Variants in HPGD observed in about 807,000 individuals in gnomAD.
HPGD encodes the protein 15-hydroxyprostaglandin dehydrogenase.
HPGD carries 29 observed loss-of-function variants against 30.0 expected under a neutral mutation model. That is an observed-to-expected ratio of 0.97 (90% CI 0.72 to 1.32). The LOEUF is 1.32. HPGD is among the 40% of genes most tolerant of loss of function. The probability of loss-of-function intolerance (pLI) is 0.00; values close to 1 mark genes in which losing one functional copy is unlikely to be tolerated. For missense variants in HPGD, 340 were observed against 322.1 expected (o/e 1.06, Z -0.43); for synonymous variants, 99 against 112.4 (o/e 0.88, Z 0.75).
rs183162558 is a variant in HPGD at position 174,498,383 on chromosome 4, G to A, written c.422-2759C>T. On this transcript the variant is annotated intron_variant, in intron 4 of 6. Transcript: ENST00000296522. ...TACAATAAAACTGCACGTATTGAAA[G>A]TATACAGTTTGATAAGTTTTGACAT... Among the ~76,000 whole-genome samples, 515 of 152,030 alleles carry A rather than the reference G, an allele frequency of 3.4e-3. 4 individuals carry two copies. Among genetic ancestry groups the A allele is most frequent in the Non-Finnish European group, 2.7e-3 (186 of 68,010 alleles).
intron 4 of HPGD, among the ~76,000 whole-genome samples, chr4:174,498,595 A>C (rs756604512): frequency 6.6e-6 from 1 of 152,162 alleles, no homozygotes; most frequent in Non-Finnish European, 1.5e-5. Context: ...ATATAGTATA[A>C]ATTATATTGT....
chr4:174,498,035 AC>A (rs1734726710), intron 4 of HPGD, among the ~76,000 whole-genome samples: 1 of 151,398 alleles, frequency 6.6e-6, no homozygotes, highest in Admixed American at 6.6e-5. Context: ...TGAAGCCTTG[AC>A]CTACTTGGCT....
At chr4:174,509,886 T>A (rs1735388770) in intron 3 of HPGD, among the ~76,000 whole-genome samples, 1 of 151,232 alleles carries the variant, frequency 6.6e-6, no homozygotes, top group African/African-American at 2.4e-5. Context: ...TAGGCACTTT[T>A]CCTGTTTTTG....
chr4:174,517,096 G>C (rs1183293015), intron 3 of HPGD, among the ~76,000 whole-genome samples: 1 of 152,114 alleles, frequency 6.6e-6, no homozygotes, highest in Non-Finnish European at 1.5e-5. Flanking sequence ...GGAGACCCCA[G>C]GCACAGCCTA....
Position 174,521,893 on chromosome 4 carries a change from TTGC to T in HPGD, c.217+48_217+50del, listed in dbSNP as rs774266100. The T allele has an allele frequency of 4.3e-6, 7 of 1,612,126 alleles. No homozygotes were observed. In the South Asian group the frequency reaches 7.7e-5, roughly 18 times the overall value. On this transcript the variant is annotated intron_variant, in intron 2 of 6. Transcript: ENST00000296522. ...CCCTGGCCGGGCTGCCTTCAGGTTG[TTGC>T]TTGTTGAGAGCACGTTCCCAGTTGA...
upstream of HPGD, chr4:174,522,840 C>A: frequency 5.7e-6 from 1 of 175,266 alleles, no homozygotes; most frequent in Non-Finnish European, 1.2e-5. Context: ...AGCTTGGATC[C>A]CTCCTCCTGC....
At position 174,522,013 on chromosome 4, in the gene HPGD, C is replaced by G. The variant is rs1050143; in HGVS notation, c.148G>C (p.Asp50His). ...GTCTTCTGAGGTTCAAACTGCTCAT[C>G]CAGGGCAGCTTTACACTGTACACCT... ...EAGVQCKAAL[D>H]EQFEPQKTLF... Residue 50 changes from aspartate (D) to histidine (H), a missense_variant, in exon 2 of 7, where the codon GAT (aspartate) becomes CAT (histidine). Coordinates refer to ENST00000296522, the MANE Select transcript of HPGD (RefSeq NM_000860.6). 6.2e-7 allele frequency: 1 copy of G among 1,614,120 alleles called. No individual in the cohort carries two copies. The highest frequency in any genetic ancestry group is 8.5e-7 in the Non-Finnish European group (1 of 1,179,968).
chr4:174,514,976 T>C (rs1376680830), intron 3 of HPGD, among the ~76,000 whole-genome samples: 1 of 152,128 alleles, frequency 6.6e-6, no homozygotes, highest in Admixed American at 6.6e-5. Flanking sequence ...GAAAGATCTC[T>C]ACAATGAGAA....
chr4:174,508,182 A>G lies in HPGD; in HGVS notation c.421+514T>C, dbSNP rs45564034. The G allele has an allele frequency of 3.8e-3, 2,692 of 699,340 alleles. 62 individuals are homozygous for G. In the African/African-American group the frequency reaches 0.042, roughly 11 times the overall value. The allele number at this position is 699,340 out of a possible 1,614,324, so 43.3% of individuals were successfully genotyped here. A position where few individuals can be genotyped will look rare whatever the true frequency, so the allele number is the denominator to read the frequency against. ...TCAAATGTCTGCATACAGAAGAGAT[A>G]CCTGCAACAAGGATCTTGCCTCAGA... On this transcript the variant is annotated intron_variant, in intron 4 of 6. Transcript: ENST00000296522.
In HPGD at chr4:174,496,376, C is replaced by CCGT. The variant is rs1734597111; in HGVS notation, c.422-753_422-752insACG. 7.1e-6 allele frequency among the ~76,000 whole-genome samples: 1 copy of CCGT among 141,280 alleles called. No homozygotes were observed. Among genetic ancestry groups the CCGT allele is most frequent in the African/African-American group, 2.6e-5 (1 of 38,868 alleles). 92.7% of individuals were successfully genotyped at this position (141,280 alleles called of 152,430 possible). ...AAATTCATGGTCTGGAGAGAAAAAA[C>CCGT]AGTATAGCATATACCTATAGCATCT... On this transcript the variant is annotated intron_variant, in intron 4 of 6. Transcript: ENST00000296522. The surrounding 1 kb of genome is among the most constrained non-coding windows in gnomAD (Gnocchi z 4.6).
intron 4 of HPGD, among the ~76,000 whole-genome samples, chr4:174,498,913 T>C (rs914036553): frequency 2.0e-5 from 3 of 152,214 alleles, no homozygotes; most frequent in African/African-American, 7.2e-5. Context: ...GTTGTTTTAT[T>C]ATTTTTGACA....
At chr4:174,511,911 G>T (rs1348319462) in intron 3 of HPGD, among the ~76,000 whole-genome samples, 1 of 152,178 alleles carries the variant, frequency 6.6e-6, no homozygotes, top group African/African-American at 2.4e-5. Context: ...CTCCCAAAGT[G>T]CTGGGATTAC....
intron 3 of HPGD, among the ~76,000 whole-genome samples, chr4:174,517,299 C>T (rs767295833): frequency 3.3e-5 from 5 of 152,134 alleles, no homozygotes; most frequent in Admixed American, 6.5e-5. Context: ...CACACACGAA[C>T]CACGAACTTT....
intron 2 of HPGD, among the ~76,000 whole-genome samples, chr4:174,519,598 C>T (rs546572044): frequency 2.6e-5 from 4 of 152,200 alleles, no homozygotes; most frequent in East Asian, 3.9e-4. Context: ...TGAAAATGGC[C>T]GGTCCTTGCC....
intron 4 of HPGD, among the ~76,000 whole-genome samples, chr4:174,500,310 C>G (rs941388272): frequency 6.6e-6 from 1 of 152,120 alleles, no homozygotes; most frequent in East Asian, 1.9e-4. Context: ...ATTGCTGGTG[C>G]GAATGCAAAA....
chr4:174,490,626 T>G lies in HPGD; in HGVS notation c.*1330A>C, dbSNP rs1734295312. The stretch of plus-strand genomic sequence containing the variant: ...CATTATATGAAAATCTAGACCAGAG[T>G]TATTAATATTCAAATTACTCCTTAA... On this transcript the variant is annotated 3_prime_UTR_variant, in exon 7 of 7. Coordinates refer to ENST00000296522, the MANE Select transcript of HPGD (RefSeq NM_000860.6). This position sits in a 1 kb window ranked among gnomAD's most constrained non-coding sequence, Gnocchi z 4.4. 6.6e-6 allele frequency: 1 copy of G among 152,252 alleles called. No homozygotes were observed. Among genetic ancestry groups the G allele is most frequent in the South Asian group, 2.1e-4 (1 of 4,824 alleles). 9.4% of individuals were successfully genotyped at this position (152,252 alleles called of 1,614,324 possible). A position where few individuals can be genotyped will look rare whatever the true frequency, so the allele number is the denominator to read the frequency against.
At chr4:174,511,470 C>T (rs1033372375) in intron 3 of HPGD, among the ~76,000 whole-genome samples, 5 of 152,092 alleles carry the variant, frequency 3.3e-5, no homozygotes, top group South Asian at 4.1e-4. Flanking sequence ...ACTGTAAGTT[C>T]CACATCAGTG....
chr4:174,497,998 G>A (rs939592512), intron 4 of HPGD, among the ~76,000 whole-genome samples: 3 of 151,524 alleles, frequency 2.0e-5, no homozygotes, highest in Non-Finnish European at 2.9e-5. Flanking sequence ...GCCCAGGCTG[G>A]AGTGCAGTGG....
intron 3 of HPGD, 139 bp downstream of exon 3, chr4:174,517,832 T>C (rs1292095644): frequency 3.4e-6 from 2 of 587,656 alleles, no homozygotes; most frequent in Non-Finnish European, 3.0e-6. Flanking sequence ...GAAAATGCTT[T>C]TATCCAGCTT....
Sources: allele counts gnomAD v4.1 joint callset (sites outside exome capture counted in the v4.1 genomes callset), GRCh38; gene constraint gnomAD v4.1.1; non-coding constraint Gnocchi (gnomAD v3.1); transcripts MANE v1.5; gene names NCBI Gene and HGNC (gene_info 2026-07-23, HGNC 2026-07-21).